The following EFCAB7 variants were observed in gnomAD, a reference collection of about 807,000 sequenced individuals.
EFCAB7 encodes the protein EF-hand calcium binding domain 7, also known as EF-hand calcium-binding domain-containing protein 7.
EFCAB7 carries 66 observed loss-of-function variants against 77.1 expected under a neutral mutation model. The observed-to-expected ratio is 0.86, with a 90% CI of 0.70 to 1.05. The LOEUF (loss-of-function observed/expected upper bound fraction) is 1.05. Among genes scored for constraint, EFCAB7 ranks in the 50% least tolerant of loss-of-function variants. EFCAB7 has a pLI of 0.00. For missense variants in EFCAB7, 638 were observed against 730.5 expected, an observed-to-expected ratio of 0.87 and a Z score of 1.46; for synonymous variants, 225 against 243.3, an observed-to-expected ratio of 0.92 and a Z score of 0.70.
Position 63,531,841 on chromosome 1 carries a change from A to G in EFCAB7, c.209A>G (p.Asn70Ser). The G allele has an allele frequency of 6.2e-7, 1 of 1,612,172 alleles. No homozygotes were observed. The highest frequency in any genetic ancestry group is 1.7e-5 in the Admixed American group (1 of 59,728). ...LYLALQHAGRNPSQKTINKYW... is the reference protein window; with the variant it reads ...LYLALQHAGRSPSQKTINKYW... ...GCAGCTCTTCAGCATGCAGGAAGAA[A>G]TCCATCCCAAAAGACCATTAATAAG... is the stretch of plus-strand genomic sequence containing the variant. The change falls in exon 3 of 14, where the codon AAT becomes AGT. Residue 70 changes from asparagine (N) to serine (S), a missense_variant. Transcript: ENST00000371088.
chr1:63,543,724 T>A (rs1482434709), intron 6 of EFCAB7, among the ~76,000 whole-genome samples: 1 of 152,164 alleles, frequency 6.6e-6, no homozygotes, highest in Non-Finnish European at 1.5e-5. Context: ...ACATTTATGA[T>A]GTTATTATTA....
downstream of EFCAB7, among the ~76,000 whole-genome samples, chr1:63,574,207 GGTA>G (rs1570451395): frequency 6.6e-6 from 1 of 152,166 alleles, no homozygotes; most frequent in Non-Finnish European, 1.5e-5. Flanking sequence ...ATCCCTGAGA[GGTA>G]GTAGAATTGC....
intron 11 of EFCAB7, among the ~76,000 whole-genome samples, chr1:63,562,270 C>T (rs111231150): frequency 0.022 from 3,327 of 151,160 alleles, 126 homozygotes; most frequent in African/African-American, 0.077. Context: ...ATAAAGGGTA[C>T]TTTTGGGGTT....
chr1:63,553,772 G>A (rs1280340731), intron 8 of EFCAB7, among the ~76,000 whole-genome samples: 3 of 152,204 alleles, frequency 2.0e-5, no homozygotes, highest in African/African-American at 7.2e-5. Flanking sequence ...GAACTTAGAT[G>A]AGCAACATTA....
At position 63,531,829 on chromosome 1, in the gene EFCAB7, A is replaced by C. The variant is rs1205239890; in HGVS notation, c.197A>C (p.His66Pro). 2 of 1,611,552 alleles carry C rather than the reference A, an allele frequency of 1.2e-6. No homozygotes were observed. Among genetic ancestry groups the C allele is most frequent in the South Asian group, 2.2e-5 (2 of 90,314 alleles). The change falls in exon 3 of 14, where the codon CAT becomes CCT. Residue 66 changes from histidine (H) to proline (P), a missense_variant. Coordinates refer to ENST00000371088, the MANE Select transcript of EFCAB7 (RefSeq NM_032437.4). The part of the protein sequence containing the change: ...SKDQLYLALQ[H>P]AGRNPSQKTI... ...TTGTCTTGTTGGGCAGCTCTTCAGC[A>C]TGCAGGAAGAAATCCATCCCAAAAG...
chr1:63,527,233 A>G (rs1013158564), intron 2 of EFCAB7, among the ~76,000 whole-genome samples: 2 of 152,208 alleles, frequency 1.3e-5, no homozygotes, highest in East Asian at 1.9e-4. Flanking sequence ...ATGTATTACT[A>G]AGGTGCTATC....
At chr1:63,580,576 A>G in the EFCAB7 span, among the ~76,000 whole-genome samples, 1 of 152,112 alleles carries the variant, frequency 6.6e-6, no homozygotes, top group African/African-American at 2.4e-5. Context: ...CCCTTTTCAT[A>G]TAAATTTTAG....
At chr1:63,573,001 T>C (rs899543667), downstream of EFCAB7, among the ~76,000 whole-genome samples, 9 of 152,106 alleles carry the variant, frequency 5.9e-5, no homozygotes, top group African/African-American at 2.2e-4. Flanking sequence ...ACTTCTTTTG[T>C]GGTGGAATGT....
At chr1:63,539,114 A>G (rs113720568) in intron 6 of EFCAB7, among the ~76,000 whole-genome samples, 2 of 152,200 alleles carry the variant, frequency 1.3e-5, no homozygotes, top group African/African-American at 4.8e-5. Context: ...CCCCAGTTAA[A>G]TTTTATAAAG....
At chr1:63,533,073 G>C (rs9803822) in intron 4 of EFCAB7, among the ~76,000 whole-genome samples, 3,258 of 152,150 alleles carry the variant, frequency 0.021, 124 homozygotes, top group African/African-American at 0.074. Context: ...AAACATGTGT[G>C]CTCACACACA....
In EFCAB7 at chr1:63,572,617, A is replaced by C. The variant is rs1647298175; in HGVS notation, c.*101A>C. 8.7e-7 allele frequency: 1 copy of C among 1,154,110 alleles called. No individual in the cohort carries two copies. The highest frequency in any genetic ancestry group is 1.1e-6 in the Non-Finnish European group (1 of 881,958). 71.5% of individuals were successfully genotyped at this position (1,154,110 alleles called of 1,614,324 possible). A position where few individuals can be genotyped will look rare whatever the true frequency, so the allele number is the denominator to read the frequency against. ...ACTTAACTGATGTACCTAAATAATAATCTATTCAATTTATATGCATTTTCA... is the reference window on the plus strand; with the variant it reads ...ACTTAACTGATGTACCTAAATAATACTCTATTCAATTTATATGCATTTTCA... On this transcript the variant is annotated 3_prime_UTR_variant, in exon 14 of 14. Coordinates refer to ENST00000371088, the MANE Select transcript of EFCAB7 (RefSeq NM_032437.4).
At chr1:63,552,233 A>G (rs1646974439) in intron 8 of EFCAB7, among the ~76,000 whole-genome samples, 1 of 151,818 alleles carries the variant, frequency 6.6e-6, no homozygotes, top group Non-Finnish European at 1.5e-5. Context: ...CCTGTCTCTA[A>G]AAAAAAATTT....
intron 7 of EFCAB7, 117 bp downstream of exon 7, chr1:63,546,174 T>A: frequency 8.9e-7 from 1 of 1,119,718 alleles, no homozygotes; most frequent in Non-Finnish European, 1.3e-6. Flanking sequence ...TAAGTAAGAA[T>A]TTATGGTTAC....
intron 1 of EFCAB7, among the ~76,000 whole-genome samples, chr1:63,524,914 T>A (rs756583191): frequency 6.6e-6 from 1 of 152,152 alleles, no homozygotes; most frequent in Non-Finnish European, 1.5e-5. Context: ...TTGTTATTAA[T>A]AAAGGAACAC....
chr1:63,529,438 G>C (rs1476935177), intron 2 of EFCAB7, among the ~76,000 whole-genome samples: 3 of 152,108 alleles, frequency 2.0e-5, no homozygotes, highest in Non-Finnish European at 2.9e-5. Flanking sequence ...TTCTTGCCAG[G>C]CGCGGTGGCT....
At chr1:63,584,168 T>A in the EFCAB7 span, among the ~76,000 whole-genome samples, 102 of 152,324 alleles carry the variant, frequency 6.7e-4, 1 homozygote, top group African/African-American at 2.4e-3. Flanking sequence ...TTTTGACTTC[T>A]TTTGCAACAT....
At chr1:63,581,172 A>G in the EFCAB7 span, among the ~76,000 whole-genome samples, 1,927 of 152,162 alleles carry the variant, frequency 0.013, 44 homozygotes, top group African/African-American at 0.044. Flanking sequence ...GAAAGCATTC[A>G]GTCTTTTACC....
In EFCAB7 at chr1:63,531,834, G is replaced by A. The variant is rs1289087156; in HGVS notation, c.202G>A (p.Gly68Arg). Residue 68 changes from glycine (G) to arginine (R), a missense_variant, in exon 3 of 14, where the codon GGA becomes AGA. Coordinates refer to ENST00000371088, the MANE Select transcript of EFCAB7 (RefSeq NM_032437.4). ...TTGTTGGGCAGCTCTTCAGCATGCAGGAAGAAATCCATCCCAAAAGACCAT... is the reference window on the plus strand; with the variant it reads ...TTGTTGGGCAGCTCTTCAGCATGCAAGAAGAAATCCATCCCAAAAGACCAT... ...DQLYLALQHA[G>R]RNPSQKTINK... 2 of 1,611,720 alleles carry A rather than the reference G, an allele frequency of 1.2e-6. No individual in the cohort carries two copies. Among genetic ancestry groups the A allele is most frequent in the African/African-American group, 2.7e-5 (2 of 74,770 alleles).
intron 9 of EFCAB7, among the ~76,000 whole-genome samples, chr1:63,555,935 G>A (rs149123563): frequency 3.9e-5 from 6 of 152,044 alleles, no homozygotes; most frequent in African/African-American, 1.2e-4. Flanking sequence ...TGGGAGTCTC[G>A]CTATGTTGCC....
Sources: gnomAD v4.1 joint callset for allele counts (sites outside exome capture counted in the v4.1 genomes callset) on GRCh38, gnomAD v4.1.1 for gene constraint, MANE v1.5 for transcripts, NCBI Gene and HGNC (gene_info 2026-07-23, HGNC 2026-07-21) for gene names.